The following CTNND2 variants were observed in gnomAD, a reference collection of about 807,000 sequenced individuals.
CTNND2 encodes the protein catenin delta 2, also known as catenin delta-2.
Under a neutral mutation model 144.4 loss-of-function variants are expected in CTNND2, and 22 were observed. The observed-to-expected ratio is 0.15, with a 90% confidence interval of 0.11 to 0.22. The LOEUF is 0.22. Among genes scored for constraint, CTNND2 ranks in the 10% least tolerant of loss-of-function variants. The pLI, the probability that CTNND2 is intolerant of heterozygous loss-of-function variation, is 1.00. For missense variants in CTNND2, 1,353 were observed against 1,618.8 expected, an observed-to-expected ratio of 0.84 and a Z score of 2.82; for synonymous variants, 751 against 695.6, an observed-to-expected ratio of 1.08 and a Z score of -1.25.
At chr5:11,689,574 A>G (rs773870056) in intron 2 of CTNND2, among the ~76,000 whole-genome samples, 18 of 152,194 alleles carry the variant, frequency 1.2e-4, no homozygotes, top group Admixed American at 2.6e-4. Context: ...GTTGTACAGA[A>G]TATTGTCACT....
chr5:11,761,109 G>C (rs1261429647), intron 1 of CTNND2, among the ~76,000 whole-genome samples: 1 of 152,138 alleles, frequency 6.6e-6, no homozygotes, highest in East Asian at 1.9e-4. Flanking sequence ...ACGATACCGA[G>C]TGTTGAAGGG....
intron 11 of CTNND2, among the ~76,000 whole-genome samples, 185 bp from the exon 12 acceptor site, chr5:11,159,944 T>C (rs1029219935): frequency 6.6e-6 from 1 of 152,144 alleles, no homozygotes; most frequent in Non-Finnish European, 1.5e-5. Flanking sequence ...CTGTGAAAAA[T>C]CTGATGAGTG....
intron 2 of CTNND2, among the ~76,000 whole-genome samples, chr5:11,720,963 T>G (rs2126716883): frequency 6.6e-6 from 1 of 152,228 alleles, no homozygotes; most frequent in Non-Finnish European, 1.5e-5. Flanking sequence ...CACTCTTAGG[T>G]TTTTATTACC....
At chr5:11,302,858 G>A (rs928469453) in intron 9 of CTNND2, among the ~76,000 whole-genome samples, 2 of 152,158 alleles carry the variant, frequency 1.3e-5, no homozygotes, top group African/African-American at 4.8e-5. Flanking sequence ...ACAATGTAGA[G>A]GGAAGTTAGG....
chr5:11,756,192 C>T (rs1178517482), intron 1 of CTNND2, among the ~76,000 whole-genome samples: 1 of 151,578 alleles, frequency 6.6e-6, no homozygotes, highest in Non-Finnish European at 1.5e-5. Context: ...GCCTAGGCTG[C>T]AAGCACTACA....
chr5:11,318,446 C>T (rs527587373), intron 9 of CTNND2, among the ~76,000 whole-genome samples: 2 of 152,308 alleles, frequency 1.3e-5, no homozygotes, highest in South Asian at 2.1e-4. Flanking sequence ...TTCCACCTCC[C>T]TCTCCAGTCC....
At chr5:11,270,105 C>T (rs1170525545) in intron 9 of CTNND2, among the ~76,000 whole-genome samples, 1 of 152,138 alleles carries the variant, frequency 6.6e-6, no homozygotes, top group Admixed American at 6.5e-5. Context: ...ATGTTGAGTC[C>T]ACTTCCCATG....
Position 11,875,766 on chromosome 5 carries a change from C to T in CTNND2, c.37+28051G>A, listed in dbSNP as rs573992138. 3.4e-4 allele frequency among the ~76,000 whole-genome samples: 52 copies of T among 152,256 alleles called. 1 individual carries two copies. In the South Asian group the frequency reaches 6.2e-3, roughly 18 times the overall value. On this transcript the variant is annotated intron_variant, in intron 1 of 21. Coordinates refer to ENST00000304623, the MANE Select transcript of CTNND2 (RefSeq NM_001332.4). ...TGCTGTTTATAAGTCACCCAGACTA[C>T]GGTATTTTGTTATAGCAGCACCAGC...
chr5:11,101,245 T>C (rs988017321), intron 14 of CTNND2, among the ~76,000 whole-genome samples: 31 of 152,164 alleles, frequency 2.0e-4, no homozygotes, highest in African/African-American at 7.5e-4. Flanking sequence ...CATAAGTTAA[T>C]AGGGGGAAAA....
chr5:11,194,547 G>A (rs1034128418), intron 11 of CTNND2, among the ~76,000 whole-genome samples: 5 of 152,042 alleles, frequency 3.3e-5, no homozygotes, highest in Admixed American at 6.5e-5. Context: ...CCACCCATTC[G>A]CCCTGAAGTG....
chr5:11,699,680 C>G (rs1785331655), intron 2 of CTNND2, among the ~76,000 whole-genome samples: 1 of 152,174 alleles, frequency 6.6e-6, no homozygotes, highest in Admixed American at 6.5e-5. Context: ...GCCCAACTCT[C>G]CTTCCTTCTT....
chr5:11,567,759 CT>C (rs1293044311), intron 2 of CTNND2, among the ~76,000 whole-genome samples: 17 of 151,948 alleles, frequency 1.1e-4, no homozygotes, highest in Non-Finnish European at 2.2e-4. Context: ...ATTAATTATC[CT>C]TTTTGTTAAT....
chr5:11,766,840 C>G lies in CTNND2; in HGVS notation c.38-34568G>C, dbSNP rs1315551499. On this transcript the variant is annotated intron_variant, in intron 1 of 21. Coordinates refer to ENST00000304623, the MANE Select transcript of CTNND2 (RefSeq NM_001332.4). ...CATATGGTAACATAAAATTTCAAAC[C>G]TACCTTGAATTTCAGGGCAATATTT... is the stretch of plus-strand genomic sequence containing the variant. 7.2e-5 allele frequency among the ~76,000 whole-genome samples: 11 copies of G among 152,120 alleles called. No individual in the cohort carries two copies. In the East Asian group the frequency reaches 2.1e-3, roughly 29 times the overall value.
intron 1 of CTNND2, among the ~76,000 whole-genome samples, chr5:11,878,639 T>G (rs929179163): frequency 3.9e-5 from 6 of 152,176 alleles, no homozygotes; most frequent in Non-Finnish European, 8.8e-5. Context: ...CAGTGTAAGA[T>G]CCACTGACCG....
chr5:11,123,907 G>T (rs1285659291), intron 12 of CTNND2, among the ~76,000 whole-genome samples: 2 of 152,176 alleles, frequency 1.3e-5, no homozygotes, highest in African/African-American at 4.8e-5. Context: ...CTTCCTAACA[G>T]GATGGGACCA....
At chr5:11,768,085 G>C (rs546195030) in intron 1 of CTNND2, among the ~76,000 whole-genome samples, 14 of 151,780 alleles carry the variant, frequency 9.2e-5, no homozygotes, top group Non-Finnish European at 1.5e-4. Context: ...TCTAATTACA[G>C]CATTCAGCAT....
At chr5:11,023,528 T>C (rs560435336) in intron 16 of CTNND2, among the ~76,000 whole-genome samples, 1 of 152,314 alleles carries the variant, frequency 6.6e-6, no homozygotes, top group Admixed American at 6.5e-5. Flanking sequence ...ATGTGAGTAC[T>C]GAGCTTTGAT....
At chr5:11,672,986 C>T (rs1783982618) in intron 2 of CTNND2, among the ~76,000 whole-genome samples, 3 of 152,170 alleles carry the variant, frequency 2.0e-5, no homozygotes, top group Admixed American at 1.3e-4. Flanking sequence ...GTTGGAAATG[C>T]AGAAATCACC....
At chr5:11,292,947 T>G (rs1181917158) in intron 9 of CTNND2, among the ~76,000 whole-genome samples, 1 of 152,186 alleles carries the variant, frequency 6.6e-6, no homozygotes, top group African/African-American at 2.4e-5. Context: ...CAATTTCTAT[T>G]GTTTAAATCC....
Sources: allele counts gnomAD v4.1 joint callset (sites outside exome capture counted in the v4.1 genomes callset), GRCh38; gene constraint gnomAD v4.1.1; transcripts MANE v1.5; gene names NCBI Gene and HGNC (gene_info 2026-07-23, HGNC 2026-07-21).